Variants in DLG2 observed in about 807,000 individuals in gnomAD.
The protein encoded by DLG2 is discs large MAGUK scaffold protein 2.
DLG2 carries 45 observed loss-of-function variants against 132.5 expected under a neutral mutation model. That is an observed-to-expected ratio of 0.34 (90% confidence interval 0.27 to 0.44). DLG2 has a LOEUF of 0.44. Among genes scored for constraint, DLG2 ranks in the 20% least tolerant of loss-of-function variants. The pLI is 1.00. For missense variants in DLG2, 1,045 were observed against 1,196.9 expected, an observed-to-expected ratio of 0.87 and a Z score of 1.87; for synonymous variants, 424 against 419.6, an observed-to-expected ratio of 1.01 and a Z score of -0.13.
chr11:85,414,775 C>T (rs1402551426), intron 3 of DLG2, among the ~76,000 whole-genome samples: 1 of 151,932 alleles, frequency 6.6e-6, no homozygotes, highest in African/African-American at 2.4e-5. Flanking sequence ...AATTGGGTAG[C>T]TCCAGTGTTA....
chr11:85,563,454 C>G (rs1174193320), intron 3 of DLG2, among the ~76,000 whole-genome samples: 1 of 151,428 alleles, frequency 6.6e-6, no homozygotes, highest in South Asian at 2.1e-4. Context: ...CACTTCCCAG[C>G]CAATCTGTCC....
At chr11:84,985,511 C>T (rs560875003) in intron 6 of DLG2, among the ~76,000 whole-genome samples, 1 of 152,082 alleles carries the variant, frequency 6.6e-6, no homozygotes, top group Admixed American at 6.5e-5. Context: ...CCCTAAACGA[C>T]TACATCAAAA....
intron 6 of DLG2, among the ~76,000 whole-genome samples, chr11:84,820,929 G>A (rs1460796037): frequency 1.3e-5 from 2 of 151,698 alleles, no homozygotes; most frequent in Non-Finnish European, 2.9e-5. Flanking sequence ...GTGTTACCCT[G>A]AATTGTTTCT....
At chr11:85,362,986 A>G (rs2084277007) in intron 3 of DLG2, among the ~76,000 whole-genome samples, 2 of 152,214 alleles carry the variant, frequency 1.3e-5, no homozygotes, top group South Asian at 4.1e-4. Context: ...TGACAGGCAT[A>G]GTAACAAAGC....
chr11:83,520,103 G>GTGTT (rs2095424730), intron 21 of DLG2, among the ~76,000 whole-genome samples: 1 of 152,194 alleles, frequency 6.6e-6, no homozygotes, highest in African/African-American at 2.4e-5. Flanking sequence ...CAAACAGGAC[G>GTGTT]TGTTAGTAAA....
chr11:85,457,805 T>C (rs776199546), intron 3 of DLG2, among the ~76,000 whole-genome samples: 2 of 152,238 alleles, frequency 1.3e-5, no homozygotes, highest in African/African-American at 2.4e-5. Context: ...AAAGGTCCAC[T>C]GTTGACCTGA....
chr11:83,791,998 A>G (rs967480219), intron 17 of DLG2, among the ~76,000 whole-genome samples: 6 of 152,246 alleles, frequency 3.9e-5, no homozygotes, highest in Non-Finnish European at 1.5e-5. Flanking sequence ...ATCATAACAT[A>G]TATAATTTGA....
intron 15 of DLG2, among the ~76,000 whole-genome samples, chr11:83,913,222 C>A (rs2076362325): frequency 6.6e-6 from 1 of 152,066 alleles, no homozygotes; most frequent in African/African-American, 2.4e-5. Flanking sequence ...CTGCTATGGT[C>A]TCTGTTAGAT....
chr11:83,832,196 C>T (rs2054731636), intron 17 of DLG2, among the ~76,000 whole-genome samples: 1 of 152,118 alleles, frequency 6.6e-6, no homozygotes. Flanking sequence ...GTCACCAATA[C>T]TGCTTGCTTA....
chr11:83,913,533 T>G (rs1370601298), intron 15 of DLG2, among the ~76,000 whole-genome samples: 1 of 152,106 alleles, frequency 6.6e-6, no homozygotes, highest in Non-Finnish European at 1.5e-5. Context: ...TAATGTAGGC[T>G]AATTTCTATA....
intron 4 of DLG2, among the ~76,000 whole-genome samples, chr11:85,211,580 A>G (rs1198035225): frequency 1.3e-5 from 2 of 152,084 alleles, no homozygotes; most frequent in Non-Finnish European, 2.9e-5. Context: ...CCTGCTCAAG[A>G]TTACACTGAT....
intron 3 of DLG2, among the ~76,000 whole-genome samples, chr11:85,509,574 C>T (rs1395807458): frequency 6.6e-6 from 1 of 152,036 alleles, no homozygotes; most frequent in African/African-American, 2.4e-5. Flanking sequence ...TTCTAGCTGT[C>T]TCAACATTTT....
chr11:84,951,680 A>G (rs1399035261), intron 6 of DLG2, among the ~76,000 whole-genome samples: 1 of 150,348 alleles, frequency 6.7e-6, no homozygotes, highest in Non-Finnish European at 1.5e-5. Context: ...ACACACACAT[A>G]TATATGCATT....
At chr11:84,586,042 T>A (rs1347569078) in intron 6 of DLG2, among the ~76,000 whole-genome samples, 1 of 151,998 alleles carries the variant, frequency 6.6e-6, no homozygotes, top group Non-Finnish European at 1.5e-5. Flanking sequence ...TCCCAGCTAC[T>A]TGGGTGGCTG....
At chr11:83,476,011 G>T (rs1313191591) in intron 22 of DLG2, among the ~76,000 whole-genome samples, 1 of 152,022 alleles carries the variant, frequency 6.6e-6, no homozygotes, top group Non-Finnish European at 1.5e-5. Context: ...TGTTTAAACT[G>T]GAAGCCAGTC....
At chr11:85,222,579 A>G (rs1486060246) in intron 4 of DLG2, among the ~76,000 whole-genome samples, 1 of 152,200 alleles carries the variant, frequency 6.6e-6, no homozygotes, top group Admixed American at 6.5e-5. Context: ...AGATAAGGAA[A>G]GTGAGTCCCC....
intron 4 of DLG2, among the ~76,000 whole-genome samples, chr11:85,227,070 C>T (rs2075021445): frequency 6.6e-6 from 1 of 152,012 alleles, no homozygotes; most frequent in Admixed American, 6.6e-5. Flanking sequence ...AAGTGAAAAC[C>T]ATTCCCAAGG....
At chr11:83,510,472 A>G (rs958140581) in intron 21 of DLG2, among the ~76,000 whole-genome samples, 2 of 152,132 alleles carry the variant, frequency 1.3e-5, no homozygotes, top group African/African-American at 4.8e-5. Context: ...ACTTCTTCCT[A>G]CTTCAATGAA....
chr11:84,273,341 T>C, intron 7 of DLG2: 3 of 1,327,150 alleles, frequency 2.3e-6, no homozygotes, highest in Non-Finnish European at 2.9e-6. Context: ...CCTGCAGATC[T>C]GTTACATAAA....
Sources: gnomAD v4.1 joint callset for allele counts (sites outside exome capture counted in the v4.1 genomes callset) on GRCh38, gnomAD v4.1.1 for gene constraint, MANE v1.5 for transcripts, NCBI Gene and HGNC (gene_info 2026-07-23, HGNC 2026-07-21) for gene names.